Variants in HHIPL1 observed in about 807,000 individuals in gnomAD.
HHIPL1 encodes the protein HHIP-like protein 1.
HHIPL1 carries 43 observed loss-of-function variants against 61.8 expected under a neutral mutation model. That is an observed-to-expected ratio of 0.70 (90% CI 0.55 to 0.90). The LOEUF is 0.90. Ranked by LOEUF, HHIPL1 falls within the 40% of genes least tolerant of loss-of-function variation. The probability of loss-of-function intolerance (pLI) is 0.00; values close to 1 mark genes in which losing one functional copy is unlikely to be tolerated. For synonymous variants in HHIPL1, 482 were observed against 515.8 expected (o/e 0.93, Z 0.89); for missense variants, 1,056 against 1,157.7 (o/e 0.91, Z 1.28).
chr14:99,635,916 C>T, the HHIPL1 span, among the ~76,000 whole-genome samples: 119 of 152,258 alleles, frequency 7.8e-4, no homozygotes, highest in Non-Finnish European at 9.0e-4. Flanking sequence ...AAACGTGGAG[C>T]AGGAGTCCTA....
chr14:99,640,376 C>T (rs2055735018), upstream of HHIPL1, among the ~76,000 whole-genome samples: 3 of 152,128 alleles, frequency 2.0e-5, no homozygotes, highest in Admixed American at 2.0e-4. Flanking sequence ...CCTCAACTTC[C>T]CAGGTTCAAT....
At chr14:99,664,990 C>G in intron 6 of HHIPL1, among the ~76,000 whole-genome samples, 1 of 151,294 alleles carries the variant, frequency 6.6e-6, no homozygotes, top group African/African-American at 2.4e-5. Flanking sequence ...TCTCGGTTCA[C>G]TGCAACCTGC....
At chr14:99,627,698 C>T in the HHIPL1 span, among the ~76,000 whole-genome samples, 4 of 152,228 alleles carry the variant, frequency 2.6e-5, no homozygotes, top group South Asian at 2.1e-4. This position sits in a 1 kb window ranked among gnomAD's most constrained non-coding sequence, Gnocchi z 4.4. Flanking sequence ...TGGGCTTGGC[C>T]GGAGAACACA....
Position 99,660,300 on chromosome 14 carries a change from GC to G in HHIPL1, c.1398del (p.Tyr467ThrfsTer23), listed in dbSNP as rs760686946. ...TSLNDLLPIF[A>X]YPHTVGKSVT... Reference sequence around the variant, plus strand: ...CGCAGATGACTTGCTGCCGATTTTCGCCTACCCGCACACGGTTGGCAAGTCG... The same window carrying G: ...CGCAGATGACTTGCTGCCGATTTTCGCTACCCGCACACGGTTGGCAAGTCG... On this transcript the variant is annotated frameshift_variant, in exon 5 of 9. Transcript: ENST00000330710. LOFTEE classifies it high-confidence loss of function. The surrounding 1 kb of genome is among the most constrained non-coding windows in gnomAD (Gnocchi z 4.9). 7.4e-6 allele frequency: 12 copies of G among 1,613,930 alleles called. No homozygotes were observed. Among genetic ancestry groups the G allele is most frequent in the Non-Finnish European group, 1.0e-5 (12 of 1,179,958 alleles).
intron 3 of HHIPL1, among the ~76,000 whole-genome samples, chr14:99,657,732 TACACACATAC>T (rs966212595): frequency 1.0e-4 from 15 of 150,712 alleles, no homozygotes; most frequent in African/African-American, 3.2e-4. Context: ...CACACATATA[TACACACATAC>T]ACACACAAAC....
Position 99,660,478 on chromosome 14 carries a change from G to A in HHIPL1, c.1502+72G>A. 2 of 1,544,646 alleles carry A rather than the reference G, an allele frequency of 1.3e-6. No individual in the cohort carries two copies. Among genetic ancestry groups the A allele is most frequent in the East Asian group, 2.3e-5 (1 of 44,114 alleles). The stretch of plus-strand genomic sequence containing the variant: ...CTTGGGACTGGCTCCTTGGTAAAGG[G>A]GAGTGTATGTGTGCGCCCGTTCCTG... On this transcript the variant is annotated intron_variant, in intron 5 of 8. Coordinates refer to ENST00000330710, the MANE Select transcript of HHIPL1 (RefSeq NM_001127258.3). The surrounding 1 kb of genome is among the most constrained non-coding windows in gnomAD (Gnocchi z 4.9).
chr14:99,632,335 G>A, the HHIPL1 span, among the ~76,000 whole-genome samples: 2 of 152,198 alleles, frequency 1.3e-5, no homozygotes, highest in South Asian at 2.1e-4. Flanking sequence ...TCTGAGGACA[G>A]GGAGCTCACT....
rs1275609618 is a variant in HHIPL1, at chr14:99,678,609, G to A, written c.*2983G>A. 6.6e-6 allele frequency: 1 copy of A among 152,176 alleles called. No homozygotes were observed. Among genetic ancestry groups the A allele is most frequent in the Non-Finnish European group, 1.5e-5 (1 of 68,030 alleles). The allele number at this position is 152,176 out of a possible 1,614,324, so 9.4% of individuals were successfully genotyped here. A position where few individuals can be genotyped will look rare whatever the true frequency, so the allele number is the denominator to read the frequency against. ...ATTTTTCTAAATAGGTAAAAGTAAT[G>A]GAAGGATAAAGGAAAAGAGGAAGTT... On this transcript the variant is annotated 3_prime_UTR_variant, in exon 9 of 9. Transcript: ENST00000330710.
chr14:99,656,789 A>AG (rs1220466374), intron 2 of HHIPL1, among the ~76,000 whole-genome samples: 1 of 2,268 alleles, frequency 4.4e-4, no homozygotes, highest in African/African-American at 5.0e-4. Flanking sequence ...AAGAAAAGAA[A>AG]AGAAAGAAAG....
At chr14:99,663,766 C>G (rs1315198744) in intron 6 of HHIPL1, among the ~76,000 whole-genome samples, 1 of 152,166 alleles carries the variant, frequency 6.6e-6, no homozygotes, top group Non-Finnish European at 1.5e-5. Flanking sequence ...CCCCTTTCTT[C>G]CTCTTACCCC....
chr14:99,658,024 A>G (rs2056081175), intron 3 of HHIPL1, among the ~76,000 whole-genome samples: 1 of 152,176 alleles, frequency 6.6e-6, no homozygotes, highest in African/African-American at 2.4e-5. Context: ...GTCTCAAGTC[A>G]GCCTCCCCCA....
intron 8 of HHIPL1, among the ~76,000 whole-genome samples, chr14:99,673,419 C>T (rs866709774): frequency 6.7e-6 from 1 of 149,806 alleles, no homozygotes; most frequent in South Asian, 2.2e-4. Context: ...ACAGAGATGT[C>T]ATTTACTGTC....
chr14:99,677,197 CA>C lies in HHIPL1; in HGVS notation c.*1572del. 1 of 152,528 alleles carries C rather than the reference CA, an allele frequency of 6.6e-6. No individual in the cohort carries two copies. The highest frequency in any genetic ancestry group is 6.5e-5 in the Admixed American group (1 of 15,306). The allele number at this position is 152,528 out of a possible 1,614,324, so 9.4% of individuals were successfully genotyped here. A position where few individuals can be genotyped will look rare whatever the true frequency, so the allele number is the denominator to read the frequency against. On this transcript the variant is annotated 3_prime_UTR_variant, in exon 9 of 9. Coordinates refer to ENST00000330710, the MANE Select transcript of HHIPL1 (RefSeq NM_001127258.3). The surrounding 1 kb of genome is among the most constrained non-coding windows in gnomAD (Gnocchi z 4.3). Reference sequence around the variant, plus strand: ...TTACAGAATGGGAAACTGAGGCACACAGAGGTTAGATATCTTAGGGCACCAA... The same window carrying C: ...TTACAGAATGGGAAACTGAGGCACACGAGGTTAGATATCTTAGGGCACCAA...
intron 2 of HHIPL1, 113 bp downstream of exon 2, chr14:99,652,983 GT>G: frequency 9.3e-7 from 1 of 1,072,946 alleles, no homozygotes; most frequent in South Asian, 1.6e-5. Flanking sequence ...AACACACCTG[GT>G]GGGGGTGCTG....
the HHIPL1 span, among the ~76,000 whole-genome samples, chr14:99,619,107 A>C: frequency 2.0e-5 from 3 of 151,808 alleles, no homozygotes; most frequent in Non-Finnish European, 2.9e-5. Flanking sequence ...CCCTCCCGAC[A>C]CCCCGTGTAC....
chr14:99,608,984 C>T, the HHIPL1 span, among the ~76,000 whole-genome samples: 1 of 152,170 alleles, frequency 6.6e-6, no homozygotes, highest in Non-Finnish European at 1.5e-5. Flanking sequence ...GGGGTGGATG[C>T]TCTGCGATGT....
chr14:99,659,856 C>CCG, intron 4 of HHIPL1, 100 bp downstream of exon 4: 1 of 520,860 alleles, frequency 1.9e-6, no homozygotes, highest in Non-Finnish European at 2.8e-6. Context: ...ACCCCCCCCC[C>CCG]CCCGGAGATC....
chr14:99,610,881 C>G, the HHIPL1 span, among the ~76,000 whole-genome samples: 2 of 152,184 alleles, frequency 1.3e-5, no homozygotes, highest in African/African-American at 4.8e-5. Flanking sequence ...GTAGTTCATT[C>G]ATTTTCATAG....
At chr14:99,606,964 C>G in the HHIPL1 span, among the ~76,000 whole-genome samples, 6 of 151,598 alleles carry the variant, frequency 4.0e-5, no homozygotes, top group Admixed American at 6.6e-5. Context: ...TGCCATGCCC[C>G]CTGGAGTACT....
Sources: allele counts gnomAD v4.1 joint callset (sites outside exome capture counted in the v4.1 genomes callset), GRCh38; gene constraint gnomAD v4.1.1; non-coding constraint Gnocchi (gnomAD v3.1); transcripts MANE v1.5; gene names NCBI Gene and HGNC (gene_info 2026-07-23, HGNC 2026-07-21).